BMPR2: variants seen among roughly 807,000 people sequenced by gnomAD.
BMPR2 encodes bone morphogenetic protein receptor type-2.
A neutral mutation model predicts 100.8 loss-of-function variants in BMPR2; 29 were observed. The ratio of observed to expected loss-of-function variants is 0.29; its 90% confidence interval spans 0.21 to 0.39. BMPR2 has a LOEUF of 0.39. Ranked by LOEUF, BMPR2 falls within the 10% of genes least tolerant of loss-of-function variation. The pLI, the probability that BMPR2 is intolerant of heterozygous loss-of-function variation, is 1.00. For missense variants in BMPR2, 1,011 were observed against 1,274.5 expected (o/e 0.79, Z 3.15); for synonymous variants, 382 against 442.3 (o/e 0.86, Z 1.71).
At chr2:202,403,286 G>A (rs963396099) in intron 1 of BMPR2, among the ~76,000 whole-genome samples, 1 of 141,542 alleles carries the variant, frequency 7.1e-6, no homozygotes, top group Admixed American at 7.7e-5. Flanking sequence ...TGCAGCCTCC[G>A]CCTCCCGGGT....
rs879259477 is a variant in BMPR2, at chr2:202,534,810, A to G, written c.1276+2078A>G. On this transcript the variant is annotated intron_variant, in intron 9 of 12. Coordinates refer to ENST00000374580, the MANE Select transcript of BMPR2 (RefSeq NM_001204.7). ...CAGACGGGGTGGTGGCCGGGCAGAG[A>G]GGCTCCTCACCTCCCGGACGGGGCG... 6.7e-3 allele frequency among the ~76,000 whole-genome samples: 947 copies of G among 142,394 alleles called. 6 individuals are homozygous for G. The highest frequency in any genetic ancestry group is 0.024 in the African/African-American group (903 of 38,382). 93.4% of individuals were successfully genotyped at this position (142,394 alleles called of 152,430 possible). A position where few individuals can be genotyped will look rare whatever the true frequency, so the allele number is the denominator to read the frequency against.
At chr2:202,508,080 T>C (rs1687559378) in intron 3 of BMPR2, among the ~76,000 whole-genome samples, 1 of 141,882 alleles carries the variant, frequency 7.0e-6, no homozygotes, top group African/African-American at 2.7e-5. Context: ...CTATTATTAT[T>C]ATTATTATTA....
intron 1 of BMPR2, among the ~76,000 whole-genome samples, chr2:202,421,909 T>A (rs962136122): frequency 6.6e-6 from 1 of 152,184 alleles, no homozygotes; most frequent in African/African-American, 2.4e-5. Context: ...AGTTTGTATT[T>A]TGTTGTGGTG....
intron 1 of BMPR2, among the ~76,000 whole-genome samples, chr2:202,453,987 A>G (rs1692038385): frequency 6.6e-6 from 1 of 152,220 alleles, no homozygotes; most frequent in African/African-American, 2.4e-5. Context: ...AAGAGATGCT[A>G]TCAAGAAGGT....
intron 6 of BMPR2, 137 bp downstream of exon 6, chr2:202,519,189 C>G: frequency 1.2e-6 from 1 of 852,722 alleles, no homozygotes; most frequent in African/African-American, 1.7e-5. Flanking sequence ...TGGCAAAACT[C>G]CCGTCTCTAC....
intron 1 of BMPR2, among the ~76,000 whole-genome samples, chr2:202,462,499 G>C (rs1200064789): frequency 6.6e-6 from 1 of 152,032 alleles, no homozygotes; most frequent in Non-Finnish European, 1.5e-5. Context: ...GATTACAGGC[G>C]TGAGCCACCG....
intron 3 of BMPR2, among the ~76,000 whole-genome samples, chr2:202,504,650 T>G (rs1687483125): frequency 6.6e-6 from 1 of 151,326 alleles, no homozygotes; most frequent in Non-Finnish European, 1.5e-5. Flanking sequence ...AATATTTTTT[T>G]AACAGGAGTT....
chr2:202,486,466 TA>T (rs1356233118), intron 3 of BMPR2, among the ~76,000 whole-genome samples: 23 of 151,808 alleles, frequency 1.5e-4, no homozygotes, highest in African/African-American at 5.3e-4. Flanking sequence ...CCATCCCTAC[TA>T]AAAAATACAA....
intron 3 of BMPR2, among the ~76,000 whole-genome samples, chr2:202,476,759 A>C (rs1692559946): frequency 6.6e-6 from 1 of 152,192 alleles, no homozygotes; most frequent in Non-Finnish European, 1.5e-5. Flanking sequence ...ATTGCACTCC[A>C]GCCTGGGATG....
chr2:202,566,406 T>C lies in BMPR2; in HGVS notation c.*6460T>C, dbSNP rs1410539179. The C allele has an allele frequency of 6.6e-6, 1 of 152,632 alleles. No individual in the cohort carries two copies. The highest frequency in any genetic ancestry group is 1.5e-5 in the Non-Finnish European group (1 of 67,986). 9.5% of individuals were successfully genotyped at this position (152,632 alleles called of 1,614,324 possible). On this transcript the variant is annotated 3_prime_UTR_variant, in exon 13 of 13. Transcript: ENST00000374580. ...TTTCATCTTATTTGACTTTTTCACA[T>C]AGATATAATATCAGATTTCATTAAT...
intron 4 of BMPR2, 45 bp from the exon 5 acceptor site, chr2:202,514,843 T>C: frequency 6.8e-7 from 1 of 1,475,950 alleles, no homozygotes. Flanking sequence ...AAGATATTCA[T>C]TTTAAGAAAA....
At chr2:202,446,582 TA>T (rs1691853514) in intron 1 of BMPR2, among the ~76,000 whole-genome samples, 1 of 150,236 alleles carries the variant, frequency 6.7e-6, no homozygotes, top group African/African-American at 2.5e-5. Flanking sequence ...AGTATATGAA[TA>T]CTCATGATCC....
chr2:202,442,042 A>T (rs920223382), intron 1 of BMPR2, among the ~76,000 whole-genome samples: 2 of 150,524 alleles, frequency 1.3e-5, no homozygotes, highest in Non-Finnish European at 2.9e-5. Flanking sequence ...TCTCAAAAAA[A>T]AAAAAATTAT....
At chr2:202,438,042 A>T (rs1282822743) in intron 1 of BMPR2, among the ~76,000 whole-genome samples, 1 of 150,368 alleles carries the variant, frequency 6.7e-6, no homozygotes, top group Non-Finnish European at 1.5e-5. Flanking sequence ...GGCCAGGCAC[A>T]GTGGCTCATG....
At position 202,443,586 on chromosome 2, in the gene BMPR2, CG is replaced by C. The variant is rs1691791005; in HGVS notation, c.77-21221del. On this transcript the variant is annotated intron_variant, in intron 1 of 12. Transcript: ENST00000374580. ...TTTCTTTCTTCTTTTTTTTTCAAGA[CG>C]GAGTCTTGGTCTGTCACCCAGGCTG... is the stretch of plus-strand genomic sequence containing the variant. Among the ~76,000 whole-genome samples the C allele has an allele frequency of 1.4e-5, 2 of 148,094 alleles. 1 individual carries two copies. Among genetic ancestry groups the C allele is most frequent in the African/African-American group, 5.2e-5 (2 of 38,490 alleles).
At chr2:202,386,684 CTTT>C (rs796610288) in intron 1 of BMPR2, among the ~76,000 whole-genome samples, 1 of 144,318 alleles carries the variant, frequency 6.9e-6, no homozygotes, top group Admixed American at 7.0e-5. Context: ...CTTTTCTTTT[CTTT>C]TTTTTTTTTG....
At chr2:202,536,144 ACT>A (rs1383063127) in intron 9 of BMPR2, among the ~76,000 whole-genome samples, 1 of 151,918 alleles carries the variant, frequency 6.6e-6, no homozygotes, top group Non-Finnish European at 1.5e-5. Flanking sequence ...ACAGAGCCTC[ACT>A]CTGTCACCTA....
intron 10 of BMPR2, among the ~76,000 whole-genome samples, chr2:202,545,644 G>A (rs1001985204): frequency 6.6e-6 from 1 of 152,134 alleles, no homozygotes; most frequent in Non-Finnish European, 1.5e-5. Context: ...ACACATTATA[G>A]TTTCCATACA....
At chr2:202,530,153 T>TA (rs947684539) in intron 7 of BMPR2, among the ~76,000 whole-genome samples, 1 of 152,160 alleles carries the variant, frequency 6.6e-6, no homozygotes, top group African/African-American at 2.4e-5. Context: ...ATGATAAGGA[T>TA]AAAAAAGTAA....
Sources: gnomAD v4.1 joint callset for allele counts (sites outside exome capture counted in the v4.1 genomes callset) on GRCh38, gnomAD v4.1.1 for gene constraint, MANE v1.5 for transcripts, NCBI Gene and HGNC (gene_info 2026-07-23, HGNC 2026-07-21) for gene names.